The following GABPB1 variants were observed in gnomAD, a reference collection of about 807,000 sequenced individuals.
GABPB1 encodes GA binding protein transcription factor subunit beta 1, also known as GA-binding protein subunit beta-1.
In GABPB1, 15 loss-of-function variants were observed where a neutral mutation model predicts 45.9. The ratio of observed to expected loss-of-function variants is 0.33; its 90% CI spans 0.22 to 0.50. The LOEUF (loss-of-function observed/expected upper bound fraction) is 0.50, where lower values mean the gene tolerates loss of function less well. GABPB1 is among the 20% of genes least tolerant of loss of function. GABPB1 has a pLI of 0.98. For synonymous variants in GABPB1, 143 were observed against 154.4 expected (o/e 0.93, Z 0.55); for missense variants, 252 against 457.5 (o/e 0.55, Z 4.10).
At position 50,322,384 on chromosome 15, in the gene GABPB1, A is replaced by C. The variant is rs796127135; in HGVS notation, c.1-12586T>G. Among the ~76,000 whole-genome samples the C allele has an allele frequency of 1.4e-4, 3 of 21,446 alleles. No homozygotes were observed. In the South Asian group the frequency reaches 2.9e-3, roughly 21 times the overall value. The allele number at this position is 21,446 out of a possible 152,430, so 14.1% of individuals were successfully genotyped here. A position where few individuals can be genotyped will look rare whatever the true frequency, so the allele number is the denominator to read the frequency against. ...CCCTGGCCAACATGGTGAAAAATAC[A>C]AAAAAAAAAAAATTAGCCGGGCATG... On this transcript the variant is annotated intron_variant, in intron 1 of 8. Coordinates refer to ENST00000380877, the MANE Select transcript of GABPB1 (RefSeq NM_016654.5).
At chr15:50,320,328 C>T (rs745400710) in intron 1 of GABPB1, among the ~76,000 whole-genome samples, 23 of 152,222 alleles carry the variant, frequency 1.5e-4, no homozygotes, top group Middle Eastern at 3.4e-3. Flanking sequence ...CCACCAGGCC[C>T]GGCTAATTTT....
At chr15:50,285,884 T>C (rs2046135922) in intron 8 of GABPB1, 184 bp downstream of exon 8, 4 of 1,360,612 alleles carry the variant, frequency 2.9e-6, no homozygotes, top group South Asian at 1.9e-5. Flanking sequence ...CACTCATTCA[T>C]TCATTCAATA....
Position 50,301,434 on chromosome 15 carries a change from A to G in GABPB1, c.472-66T>C. On this transcript the variant is annotated intron_variant, in intron 4 of 8. Transcript: ENST00000380877. ...AGAACATATAGCACAAATTCTCCAT[A>G]TAATACAAACACATATAAAGGAGTA... The G allele has an allele frequency of 2.9e-6, 4 of 1,375,650 alleles. No individual in the cohort carries two copies. The South Asian group carries it at 5.2e-5, about 18-fold the overall frequency. 85.2% of individuals were successfully genotyped at this position (1,375,650 alleles called of 1,614,324 possible).
At chr15:50,284,887 A>G (rs2046102533) in intron 8 of GABPB1, among the ~76,000 whole-genome samples, 2 of 152,184 alleles carry the variant, frequency 1.3e-5, no homozygotes, top group African/African-American at 4.8e-5. Context: ...CATCCTACAC[A>G]TCACTTTAAA....
intron 6 of GABPB1, among the ~76,000 whole-genome samples, chr15:50,292,386 G>A (rs761183733): frequency 6.6e-6 from 1 of 151,644 alleles, no homozygotes; most frequent in Admixed American, 6.6e-5. Context: ...AGCAAGGATC[G>A]GTAGTGGGTG....
At chr15:50,323,664 A>C in intron 1 of GABPB1, among the ~76,000 whole-genome samples, 1 of 152,176 alleles carries the variant, frequency 6.6e-6, no homozygotes, top group East Asian at 1.9e-4. Context: ...GCTCAAGACC[A>C]GCCTGGGCAA....
intron 8 of GABPB1, among the ~76,000 whole-genome samples, chr15:50,284,142 A>G (rs1197022461): frequency 6.6e-6 from 1 of 152,108 alleles, no homozygotes; most frequent in African/African-American, 2.4e-5. Flanking sequence ...GTCTCCCCCC[A>G]AGATAACCCC....
intron 1 of GABPB1, among the ~76,000 whole-genome samples, chr15:50,345,406 A>C (rs141929320): frequency 1.8e-4 from 27 of 152,288 alleles, no homozygotes; most frequent in African/African-American, 6.0e-4. Context: ...CTCTACCAGG[A>C]AAATACAAAA....
At chr15:50,283,139 A>G (rs946647695) in intron 8 of GABPB1, among the ~76,000 whole-genome samples, 2 of 152,214 alleles carry the variant, frequency 1.3e-5, no homozygotes, top group Non-Finnish European at 2.9e-5. Flanking sequence ...GTCACACAAT[A>G]AAGTAAGTAA....
intron 3 of GABPB1, among the ~76,000 whole-genome samples, chr15:50,303,677 C>CAAA (rs371842725): frequency 4.1e-5 from 4 of 96,986 alleles, no homozygotes; most frequent in Admixed American, 9.9e-5. Context: ...GATTCTGTCT[C>CAAA]AAAAAAAAAA....
chr15:50,286,467 A>G (rs562855909), intron 7 of GABPB1, among the ~76,000 whole-genome samples: 2 of 152,184 alleles, frequency 1.3e-5, no homozygotes, highest in East Asian at 3.8e-4. Context: ...TTTAACGAGC[A>G]TATTTTGAGA....
At chr15:50,351,718 T>G (rs1052791879) in intron 1 of GABPB1, 6 of 151,690 alleles carry the variant, frequency 4.0e-5, no homozygotes, top group African/African-American at 1.5e-4. Context: ...GCCCACCAAC[T>G]GAACTGACAG....
chr15:50,327,262 C>T (rs1186824375), intron 1 of GABPB1: 1 of 152,134 alleles, frequency 6.6e-6, no homozygotes, highest in Non-Finnish European at 1.5e-5. Context: ...CATCAATATT[C>T]TGCTCAAAAA....
At chr15:50,332,203 T>A (rs1266923081) in intron 1 of GABPB1, among the ~76,000 whole-genome samples, 2 of 152,054 alleles carry the variant, frequency 1.3e-5, no homozygotes, top group Non-Finnish European at 2.9e-5. Flanking sequence ...CTCTCCTTTG[T>A]TGTTGCTGCC....
chr15:50,275,423 A>C lies in GABPB1; in HGVS notation c.*3209T>G, dbSNP rs2045827766. ...AGATCTTTTTATTACAAACAAGTAC[A>C]GATGCTCTCTGGCTTGCAATGGGGT... On this transcript the variant is annotated 3_prime_UTR_variant, in exon 9 of 9. Coordinates refer to ENST00000380877, the MANE Select transcript of GABPB1 (RefSeq NM_016654.5). The C allele has an allele frequency of 6.6e-6, 1 of 152,270 alleles. No homozygotes were observed. Among genetic ancestry groups the C allele is most frequent in the South Asian group, 2.1e-4 (1 of 4,836 alleles). The allele number at this position is 152,270 out of a possible 1,614,324, so 9.4% of individuals were successfully genotyped here.
At chr15:50,314,647 G>T (rs1358138579) in intron 1 of GABPB1, 1 of 152,174 alleles carries the variant, frequency 6.6e-6, no homozygotes, top group Admixed American at 6.5e-5. Flanking sequence ...GGATACTAGA[G>T]GTCCAGCAAA....
In GABPB1 at chr15:50,275,463, C is replaced by G. The variant is rs1357171315; in HGVS notation, c.*3169G>C. On this transcript the variant is annotated 3_prime_UTR_variant, in exon 9 of 9. Coordinates refer to ENST00000380877, the MANE Select transcript of GABPB1 (RefSeq NM_016654.5). ...TGCAATGGGGTTATGTCCTGATAAA[C>G]CCATCCTAAGTCAAAAATATCATAA... The G allele has an allele frequency of 6.6e-6, 1 of 152,108 alleles. No individual in the cohort carries two copies. Among genetic ancestry groups the G allele is most frequent in the Non-Finnish European group, 1.5e-5 (1 of 68,026 alleles). The allele number at this position is 152,108 out of a possible 1,614,324, so 9.4% of individuals were successfully genotyped here. A position where few individuals can be genotyped will look rare whatever the true frequency, so the allele number is the denominator to read the frequency against.
At chr15:50,350,516 C>G (rs2048780166) in intron 1 of GABPB1, 1 of 151,202 alleles carries the variant, frequency 6.6e-6, no homozygotes, top group Non-Finnish European at 1.5e-5. Context: ...ATTAAATAGC[C>G]TTCTCACTTA....
chr15:50,351,200 C>T (rs954760918), intron 1 of GABPB1: 3 of 152,216 alleles, frequency 2.0e-5, no homozygotes, highest in African/African-American at 7.2e-5. Context: ...AAAGCCAACA[C>T]AATACCCCAA....
Sources: allele counts gnomAD v4.1 joint callset (sites outside exome capture counted in the v4.1 genomes callset), GRCh38; gene constraint gnomAD v4.1.1; transcripts MANE v1.5; gene names NCBI Gene and HGNC (gene_info 2026-07-23, HGNC 2026-07-21).